LONP1: variants seen among roughly 807,000 people sequenced by gnomAD.
LONP1 encodes the protein lon protease homolog, mitochondrial.
LONP1 carries 31 observed loss-of-function variants against 98.5 expected under a neutral mutation model. That is an observed-to-expected ratio of 0.31 (90% CI 0.24 to 0.42). The LOEUF is 0.42. LONP1 is among the 20% of genes least tolerant of loss of function. The pLI is 1.00. For synonymous variants in LONP1, 781 were observed against 594.7 expected, an observed-to-expected ratio of 1.31 and a Z score of -4.56; for missense variants, 1,336 against 1,350.6, an observed-to-expected ratio of 0.99 and a Z score of 0.17.
At chr19:5,695,868 C>T (rs2054916748) in intron 13 of LONP1, among the ~76,000 whole-genome samples, 186 bp downstream of exon 13, 1 of 152,196 alleles carries the variant, frequency 6.6e-6, no homozygotes. Context: ...ACCCTGCGCC[C>T]ACTCGCGCCA....
At position 5,696,076 on chromosome 19, in the gene LONP1, T is replaced by C; in HGVS notation, c.1991A>G (p.Gln664Arg). Residue 664 changes from glutamine (Q) to arginine (R), a missense_variant, in exon 13 of 18, where the codon CAG becomes CGG. By Grantham distance (43) the Gln-to-Arg change is conservative. Transcript: ENST00000360614. ...TACCTCCGCAATGGCCAGCTTCTCCTGGGCCACGTAGCCCGACACGTTGAT... is the reference window on the plus strand; with the variant it reads ...TACCTCCGCAATGGCCAGCTTCTCCCGGGCCACGTAGCCCGACACGTTGAT... ...EMINVSGYVA[Q>R]EKLAIAERYL... is the part of the protein sequence containing the mutation. 6.2e-7 allele frequency: 1 copy of C among 1,612,850 alleles called. No homozygotes were observed. The highest frequency in any genetic ancestry group is 8.5e-7 in the Non-Finnish European group (1 of 1,179,878).
chr19:5,701,330 CCTTTCCACGGTCTCCCCTTTCCCT>C (rs542184631), intron 8 of LONP1, among the ~76,000 whole-genome samples: 29 of 152,124 alleles, frequency 1.9e-4, no homozygotes, highest in Non-Finnish European at 2.8e-4. Flanking sequence ...CTGCCTCTCC[CCTTTCCACGGTCTCCCCTTTCCCT>C]CTTTCCATGG....
intron 10 of LONP1, among the ~76,000 whole-genome samples, chr19:5,697,134 C>A (rs1039919556): frequency 7.2e-5 from 11 of 152,154 alleles, no homozygotes; most frequent in Admixed American, 7.2e-4. Flanking sequence ...CCAGCACTGG[C>A]TCTCAGGAGG....
chr19:5,698,215 A>G (rs2054977415), intron 10 of LONP1, among the ~76,000 whole-genome samples: 1 of 152,086 alleles, frequency 6.6e-6, no homozygotes, highest in African/African-American at 2.4e-5. Context: ...TCACCCTTGC[A>G]GCGGGCGGGC....
At chr19:5,719,049 C>T (rs1307313764) in intron 1 of LONP1, among the ~76,000 whole-genome samples, 1 of 152,172 alleles carries the variant, frequency 6.6e-6, no homozygotes, top group Admixed American at 6.6e-5. Flanking sequence ...TCTCATCCTG[C>T]CAAAATGTAA....
chr19:5,699,336 G>A, intron 9 of LONP1, 131 bp from the exon 10 acceptor site: 1 of 673,462 alleles, frequency 1.5e-6, no homozygotes. Flanking sequence ...TGTCCGGGAG[G>A]CTGAGCACAT....
intron 8 of LONP1, among the ~76,000 whole-genome samples, chr19:5,702,126 G>A (rs2055060195): frequency 6.7e-6 from 1 of 148,752 alleles, no homozygotes; most frequent in Non-Finnish European, 1.5e-5. Context: ...GAGGTGAGGG[G>A]CGCCTCTGCC....
intron 14 of LONP1, 67 bp from the exon 15 acceptor site, chr19:5,694,619 C>CAGGTGCGGGGTGGTGGGGTGAT: frequency 6.4e-7 from 1 of 1,565,888 alleles, no homozygotes; most frequent in Non-Finnish European, 8.7e-7. Context: ...GGTGGGGTGA[C>CAGGTGCGGGGTGGTGGGGTGAT]GGGCACAGAA....
chr19:5,709,511 G>A (rs760842653), intron 4 of LONP1, among the ~76,000 whole-genome samples: 5 of 151,736 alleles, frequency 3.3e-5, no homozygotes, highest in East Asian at 3.9e-4. Context: ...CAAAGAAACC[G>A]TAATCACCTG....
intron 10 of LONP1, 139 bp downstream of exon 10, chr19:5,698,888 T>G (rs2054991490): frequency 4.4e-5 from 40 of 899,518 alleles, no homozygotes; most frequent in Non-Finnish European, 6.1e-5. Flanking sequence ...GCTGGACTTT[T>G]CAGTTACTCC....
intron 8 of LONP1, among the ~76,000 whole-genome samples, chr19:5,704,875 C>CT (rs761950904): frequency 6.6e-6 from 1 of 152,230 alleles, no homozygotes; most frequent in Non-Finnish European, 1.5e-5. Context: ...GAAGGCCTGG[C>CT]TTAGGCCAGG....
intron 13 of LONP1, 31 bp from the exon 14 acceptor site, chr19:5,694,932 G>A (rs1376160946): frequency 6.3e-6 from 10 of 1,580,462 alleles, no homozygotes; most frequent in South Asian, 1.1e-5. Flanking sequence ...GTTGGGTCTG[G>A]AGGGACCTTG....
At chr19:5,708,514 C>A in intron 4 of LONP1, 111 bp from the exon 5 acceptor site, 1 of 452,496 alleles carries the variant, frequency 2.2e-6, no homozygotes, top group Non-Finnish European at 3.8e-6. Flanking sequence ...CAACTCCCTC[C>A]CCTCCGCCAA....
chr19:5,707,833 G>GA lies in LONP1; in HGVS notation c.933-8dup. 6.2e-7 allele frequency: 1 copy of GA among 1,612,554 alleles called. No individual in the cohort carries two copies. The highest frequency in any genetic ancestry group is 8.5e-7 in the Non-Finnish European group (1 of 1,179,676). On this transcript the variant is annotated splice_region_variant and splice_polypyrimidine_tract_variant and intron_variant, in intron 5 of 17. Transcript: ENST00000360614. ...CATCTGCAGCACTGACTCCCTGGGG[G>GA]ACAAAGGGAGCTGCCTCGGTGGCCA...
chr19:5,692,040 C>A lies in LONP1; in HGVS notation c.2872G>T (p.Glu958Ter). 1 of 1,612,330 alleles carries A rather than the reference C, an allele frequency of 6.2e-7. No homozygotes were observed. Among genetic ancestry groups the A allele is most frequent in the South Asian group, 1.1e-5 (1 of 90,902 alleles). Residue 958 changes from glutamate (E) to a stop codon, truncating the protein, a stop_gained, in exon 18 of 18, where the codon GAA becomes TAA. Coordinates refer to ENST00000360614, the MANE Select transcript of LONP1 (RefSeq NM_004793.4). LOFTEE classifies it high-confidence loss of function. ...PDEQAEALAV[E>*]R Reference sequence around the variant, plus strand: ...CAGTCCCGGGGTGGCCGTCACCGTTCCACGGCCAGCGCCTCTGCCTGCTCG... The same window carrying A: ...CAGTCCCGGGGTGGCCGTCACCGTTACACGGCCAGCGCCTCTGCCTGCTCG...
In LONP1 at chr19:5,694,393, C is replaced by G; in HGVS notation, c.2314G>C (p.Ala772Pro). ...CTCCCGCCACCACGCTCACCCATTG[C>G]GGTCCAGGCCAGCCCCATGACCACG... ...PGVVMGLAWTAMGGSTLFVET... is the reference protein window; with the variant it reads ...PGVVMGLAWTPMGGSTLFVET... The change falls in exon 15 of 18, where the codon GCA (alanine) becomes CCA (proline). Residue 772 changes from alanine (A) to proline (P), a missense_variant. Around this residue, in one of 5 missense-constraint regions of LONP1, gnomAD observed 555 missense variants for 542.6 expected, o/e 1.02. Coordinates refer to ENST00000360614, the MANE Select transcript of LONP1 (RefSeq NM_004793.4). 6.2e-7 allele frequency: 1 copy of G among 1,612,808 alleles called. No individual in the cohort carries two copies. The highest frequency in any genetic ancestry group is 8.5e-7 in the Non-Finnish European group (1 of 1,179,484).
At chr19:5,697,108 G>A (rs540053782) in intron 10 of LONP1, among the ~76,000 whole-genome samples, 16 of 152,284 alleles carry the variant, frequency 1.1e-4, no homozygotes, top group Admixed American at 4.6e-4. Context: ...AAGGGCTGGG[G>A]TGATACTAGC....
At chr19:5,701,038 G>T in intron 8 of LONP1, 111 bp from the exon 9 acceptor site, 2 of 1,246,390 alleles carry the variant, frequency 1.6e-6, no homozygotes, top group Non-Finnish European at 1.2e-6. Context: ...GTGGGGCTGA[G>T]CGCGGTGGCT....
chr19:5,702,874 A>C (rs1386169335), intron 8 of LONP1, among the ~76,000 whole-genome samples: 1 of 151,042 alleles, frequency 6.6e-6, no homozygotes, highest in Non-Finnish European at 1.5e-5. Context: ...AGGGACACAA[A>C]CACTGCGGAA....
Sources: allele counts gnomAD v4.1 joint callset (sites outside exome capture counted in the v4.1 genomes callset), GRCh38; gene constraint gnomAD v4.1.1; regional missense constraint gnomAD v4.1.1; transcripts MANE v1.5; gene names NCBI Gene and HGNC (gene_info 2026-07-23, HGNC 2026-07-21).